SRPRA: variants seen among roughly 807,000 people sequenced by gnomAD.
SRPRA encodes the protein signal recognition particle receptor subunit alpha.
Under a neutral mutation model 61.1 loss-of-function variants are expected in SRPRA, and 30 were observed. The ratio of observed to expected loss-of-function variants is 0.49; its 90% CI spans 0.37 to 0.67. The LOEUF is 0.67. Ranked by LOEUF, SRPRA falls within the 30% of genes least tolerant of loss-of-function variation. SRPRA has a pLI of 0.00. For synonymous variants in SRPRA, 324 were observed against 299.7 expected, an observed-to-expected ratio of 1.08 and a Z score of -0.84; for missense variants, 759 against 828.4, an observed-to-expected ratio of 0.92 and a Z score of 1.03.
At position 126,266,505 on chromosome 11, in the gene SRPRA, CAG is replaced by C. The variant is rs1245010980; in HGVS notation, c.809_810del (p.Pro270ArgfsTer6). ...DYSTPTTNGT[P>X]EAALSEDINL... ...TTGATGTCCTCAGACAAGGCAGCCTCAGGGGTTCCATTGGTGGTGGGAGTACT... is the reference window on the plus strand; with the variant it reads ...TTGATGTCCTCAGACAAGGCAGCCTCGGGTTCCATTGGTGGTGGGAGTACT... On this transcript the variant is annotated frameshift_variant, in exon 6 of 14. Coordinates refer to ENST00000332118, the MANE Select transcript of SRPRA (RefSeq NM_003139.4). LOFTEE classifies it high-confidence loss of function. 3 of 1,614,192 alleles carry C rather than the reference CAG, an allele frequency of 1.9e-6. No individual in the cohort carries two copies. The highest frequency in any genetic ancestry group is 3.3e-5 in the Admixed American group (2 of 60,012).
At chr11:126,236,876 T>C in the SRPRA span, among the ~76,000 whole-genome samples, 1 of 151,722 alleles carries the variant, frequency 6.6e-6, no homozygotes, top group African/African-American at 2.4e-5. Flanking sequence ...TCTTTTTGTT[T>C]GTTCATTTTT....
rs1950734719 is a variant in SRPRA, at chr11:126,263,018, C to G, written c.*898G>C. 6.6e-6 allele frequency: 1 copy of G among 152,634 alleles called. No homozygotes were observed. Among genetic ancestry groups the G allele is most frequent in the East Asian group, 1.9e-4 (1 of 5,202 alleles). The allele number at this position is 152,634 out of a possible 1,614,324, so 9.5% of individuals were successfully genotyped here. A position where few individuals can be genotyped will look rare whatever the true frequency, so the allele number is the denominator to read the frequency against. On this transcript the variant is annotated 3_prime_UTR_variant, in exon 14 of 14. Transcript: ENST00000332118. ...CCTTCACCTTATTGCACTAATAGCA[C>G]ATCTGTAATATCAAGCTACAGGACA...
the SRPRA span, among the ~76,000 whole-genome samples, chr11:126,237,723 G>A: frequency 4.8e-5 from 7 of 146,504 alleles, no homozygotes; most frequent in Admixed American, 1.4e-4. Flanking sequence ...GGGGCGTGGT[G>A]GCGCGTGCCT....
chr11:126,254,166 T>G, the SRPRA span: 3 of 1,010,342 alleles, frequency 3.0e-6, no homozygotes, highest in Non-Finnish European at 4.2e-6. Flanking sequence ...CACATCAGGT[T>G]TTGCATTCTT....
At position 126,265,895 on chromosome 11, in the gene SRPRA, G is replaced by A. The variant is rs1360161978; in HGVS notation, c.1051+68C>T. The A allele has an allele frequency of 1.7e-5, 28 of 1,609,594 alleles. No individual in the cohort carries two copies. The Admixed American group carries it at 2.0e-4, about 11-fold the overall frequency. ...AATCTTTATGGTACAGGTGAGAAAC[G>A]CTAGGTGATTCTGCTCTCAACTACC... On this transcript the variant is annotated intron_variant, in intron 8 of 13. Coordinates refer to ENST00000332118, the MANE Select transcript of SRPRA (RefSeq NM_003139.4). The surrounding 1 kb of genome is among the most constrained non-coding windows in gnomAD (Gnocchi z 6.3).
At chr11:126,243,352 G>A in the SRPRA span, among the ~76,000 whole-genome samples, 98 of 151,716 alleles carry the variant, frequency 6.5e-4, no homozygotes, top group African/African-American at 2.3e-3. Flanking sequence ...TAAGCCCAAC[G>A]CTTTGGAAGG....
chr11:126,264,683 G>T lies in SRPRA; in HGVS notation c.1526-144C>A. ...TTCCAAGGTAATGTGAGAAAAACTT[G>T]ATTATATGCTTGGCCATCACCAAAC... On this transcript the variant is annotated intron_variant, in intron 11 of 13. Transcript: ENST00000332118. The surrounding 1 kb of genome is among the most constrained non-coding windows in gnomAD (Gnocchi z 5.0). 1 of 987,382 alleles carries T rather than the reference G, an allele frequency of 1.0e-6. No individual in the cohort carries two copies. Among genetic ancestry groups the T allele is most frequent in the Non-Finnish European group, 1.5e-6 (1 of 687,230 alleles). 61.2% of individuals were successfully genotyped at this position (987,382 alleles called of 1,614,324 possible). A position where few individuals can be genotyped will look rare whatever the true frequency, so the allele number is the denominator to read the frequency against.
the SRPRA span, among the ~76,000 whole-genome samples, chr11:126,237,072 A>G: frequency 6.7e-6 from 1 of 149,444 alleles, no homozygotes; most frequent in Non-Finnish European, 1.5e-5. Context: ...GCCCGCCACC[A>G]TGCCCGGCTA....
In SRPRA at chr11:126,265,205, G is replaced by A. The variant is rs1348649698; in HGVS notation, c.1312-33C>T. The A allele has an allele frequency of 5.0e-6, 8 of 1,613,934 alleles. No individual in the cohort carries two copies. The East Asian group carries it at 1.8e-4, about 36-fold the overall frequency. On this transcript the variant is annotated intron_variant, in intron 10 of 13. Transcript: ENST00000332118. The surrounding 1 kb of genome is among the most constrained non-coding windows in gnomAD (Gnocchi z 6.3). ...AAAGACGTAAGAAAAGTCACCTAAAGCCAGGATTTTGAGACACAAGAAGTA... is the reference window on the plus strand; with the variant it reads ...AAAGACGTAAGAAAAGTCACCTAAAACCAGGATTTTGAGACACAAGAAGTA...
chr11:126,265,133 T>C lies in SRPRA; in HGVS notation c.1351A>G (p.Ile451Val), dbSNP rs1486132395. The change falls in exon 11 of 14, where the codon ATT becomes GTT. Residue 451 changes from isoleucine (I) to valine (V), a missense_variant. This residue lies in a region of SRPRA where 284 missense variants were observed against 365.9 expected (regional missense o/e 0.78). Coordinates refer to ENST00000332118, the MANE Select transcript of SRPRA (RefSeq NM_003139.4). The surrounding 1 kb of genome is among the most constrained non-coding windows in gnomAD (Gnocchi z 6.3). Reference sequence around the variant, plus strand: ...GCACGAAATGTATCACAGGCAGCAATGAGGACACTGAAGCCATTCTCTAAC... The same window carrying C: ...GCACGAAATGTATCACAGGCAGCAACGAGGACACTGAAGCCATTCTCTAAC... ...WLLENGFSVL[I>V]AACDTFRAGA... 6.2e-7 allele frequency: 1 copy of C among 1,614,108 alleles called. No individual in the cohort carries two copies. The highest frequency in any genetic ancestry group is 1.1e-5 in the South Asian group (1 of 91,082).
chr11:126,236,346 A>G, the SRPRA span, among the ~76,000 whole-genome samples: 1 of 152,218 alleles, frequency 6.6e-6, no homozygotes, highest in Non-Finnish European at 1.5e-5. Flanking sequence ...TTGACTGAGT[A>G]TAGAATTTTT....
downstream of SRPRA, among the ~76,000 whole-genome samples, chr11:126,259,392 T>C (rs1316206453): frequency 1.3e-5 from 2 of 151,508 alleles, no homozygotes; most frequent in African/African-American, 2.4e-5. Context: ...ATAATTCTTA[T>C]AATCCATTAC....
chr11:126,247,818 A>G, the SRPRA span, among the ~76,000 whole-genome samples: 1 of 149,992 alleles, frequency 6.7e-6, no homozygotes, highest in Admixed American at 6.7e-5. Context: ...AGACCACGCC[A>G]CTGCACTCCA....
rs1052959423 is a variant in SRPRA, at chr11:126,265,265, G to C, written c.1311+3C>G. ...CAGCGATAGGCTGGGGAACTGCACT[G>C]ACCTTGGCAAGATTAGTAGATTTCC... On this transcript the variant is annotated splice_donor_region_variant and intron_variant, in intron 10 of 13. Transcript: ENST00000332118. This position sits in a 1 kb window ranked among gnomAD's most constrained non-coding sequence, Gnocchi z 6.3. 4 of 1,614,004 alleles carry C rather than the reference G, an allele frequency of 2.5e-6. No individual in the cohort carries two copies. Among genetic ancestry groups the C allele is most frequent in the Non-Finnish European group, 3.4e-6 (4 of 1,179,916 alleles).
the SRPRA span, chr11:126,254,161 C>A: frequency 1.1e-6 from 1 of 931,008 alleles, no homozygotes; most frequent in Non-Finnish European, 1.6e-6. Context: ...TAGACCACAT[C>A]AGGTTTTGCA....
the SRPRA span, among the ~76,000 whole-genome samples, chr11:126,252,737 T>C: frequency 4.0e-5 from 6 of 151,688 alleles, no homozygotes; most frequent in Admixed American, 3.9e-4. This position sits in a 1 kb window ranked among gnomAD's most constrained non-coding sequence, Gnocchi z 4.7. Flanking sequence ...CATAAGATCA[T>C]GTCTCTAAAT....
the SRPRA span, among the ~76,000 whole-genome samples, chr11:126,247,629 G>C: frequency 6.6e-6 from 1 of 152,064 alleles, no homozygotes; most frequent in Non-Finnish European, 1.5e-5. Context: ...GGAGGCCGAG[G>C]CGGGCAGATC....
chr11:126,268,854 T>C lies in SRPRA; in HGVS notation c.-50A>G. 1.4e-6 allele frequency: 2 copies of C among 1,472,124 alleles called. No individual in the cohort carries two copies. The highest frequency in any genetic ancestry group is 1.9e-6 in the Non-Finnish European group (2 of 1,054,744). 91.2% of individuals were successfully genotyped at this position (1,472,124 alleles called of 1,614,324 possible). A position where few individuals can be genotyped will look rare whatever the true frequency, so the allele number is the denominator to read the frequency against. On this transcript the variant is annotated 5_prime_UTR_variant, in exon 1 of 14. Coordinates refer to ENST00000332118, the MANE Select transcript of SRPRA (RefSeq NM_003139.4). ...GCCGGCGCCGGGAATTCAGGCCGCG[T>C]TCGCCGCCGCTTCCTGCTGCGCCAA...
chr11:126,247,074 C>G, the SRPRA span, among the ~76,000 whole-genome samples: 1 of 152,174 alleles, frequency 6.6e-6, no homozygotes, highest in Admixed American at 6.5e-5. Flanking sequence ...AAGAGGATCA[C>G]TTGAGGCCAG....
Sources: gnomAD v4.1 joint callset for allele counts (sites outside exome capture counted in the v4.1 genomes callset) on GRCh38, gnomAD v4.1.1 for gene constraint, gnomAD v4.1.1 regional missense constraint, Gnocchi (gnomAD v3.1) non-coding constraint, MANE v1.5 for transcripts, NCBI Gene and HGNC (gene_info 2026-07-23, HGNC 2026-07-21) for gene names.